The following ANK1 variants were observed in gnomAD, a reference collection of about 807,000 sequenced individuals.
The protein encoded by ANK1 is ankyrin 1.
ANK1 carries 51 observed loss-of-function variants against 210.4 expected under a neutral mutation model. The ratio of observed to expected loss-of-function variants is 0.24; its 90% CI spans 0.19 to 0.31. The LOEUF (loss-of-function observed/expected upper bound fraction) is 0.31, where lower values mean the gene tolerates loss of function less well. ANK1 is among the 10% of genes least tolerant of loss of function. ANK1 has a pLI of 1.00. For synonymous variants in ANK1, 967 were observed against 1,025.9 expected, an observed-to-expected ratio of 0.94 and a Z score of 1.10; for missense variants, 2,051 against 2,504.4, an observed-to-expected ratio of 0.82 and a Z score of 3.86.
chr8:41,722,006 T>C (rs1394125615), intron 9 of ANK1, among the ~76,000 whole-genome samples: 1 of 152,262 alleles, frequency 6.6e-6, no homozygotes, highest in Non-Finnish European at 1.5e-5. Context: ...AATTTTCTAA[T>C]AATTTAACTG....
In ANK1 at chr8:41,688,579, G is replaced by A. The variant is rs1260078663; in HGVS notation, c.4115C>T (p.Ala1372Val). ...TMPPCAKGSG[A>V]EDRRRTPTPL... ...CGTCGGGGTCCTTCTCCTATCTTCGGCTCCACTTCCCTGCAGAAGAAGAAA... is the reference window on the plus strand; with the variant it reads ...CGTCGGGGTCCTTCTCCTATCTTCGACTCCACTTCCCTGCAGAAGAAGAAA... The change falls in exon 34 of 43, where the codon GCC (alanine) becomes GTC (valine). Residue 1372 changes from alanine (A) to valine (V), a missense_variant. Transcript: ENST00000289734. The A allele has an allele frequency of 2.5e-6, 4 of 1,613,976 alleles. No individual in the cohort carries two copies. The highest frequency in any genetic ancestry group is 2.5e-6 in the Non-Finnish European group (3 of 1,179,992).
chr8:41,665,044 G>T (rs374055991), intron 39 of ANK1: 1 of 1,611,216 alleles, frequency 6.2e-7, no homozygotes. Flanking sequence ...TCACCAGCCC[G>T]GTCCTCTGGC....
intron 1 of ANK1, among the ~76,000 whole-genome samples, chr8:41,776,293 A>G (rs1247694862): frequency 6.6e-6 from 1 of 152,194 alleles, no homozygotes; most frequent in Non-Finnish European, 1.5e-5. Context: ...ACCAATCACT[A>G]TCACATTCAA....
chr8:41,745,149 C>T (rs962930890), intron 2 of ANK1, among the ~76,000 whole-genome samples: 4 of 150,888 alleles, frequency 2.7e-5, no homozygotes, highest in Non-Finnish European at 2.9e-5. Flanking sequence ...GGAAAGGGAG[C>T]GGAGGGAGAA....
At chr8:41,807,029 T>G (rs1445891404) in intron 1 of ANK1, among the ~76,000 whole-genome samples, 1 of 152,250 alleles carries the variant, frequency 6.6e-6, no homozygotes, top group Admixed American at 6.5e-5. Flanking sequence ...TTATTAAAAT[T>G]TATTAAGCAC....
At chr8:41,863,801 T>C (rs1041910429) in intron 1 of ANK1, among the ~76,000 whole-genome samples, 2 of 152,202 alleles carry the variant, frequency 1.3e-5, no homozygotes, top group Non-Finnish European at 2.9e-5. Flanking sequence ...GAGGCTCCCC[T>C]ACCTCCCACA....
intron 1 of ANK1, among the ~76,000 whole-genome samples, chr8:41,887,211 A>AT (rs1818603280): frequency 9.4e-6 from 1 of 106,438 alleles, no homozygotes; most frequent in Admixed American, 8.6e-5. Context: ...TATTTTTAAC[A>AT]TTTTTTTCCT....
intron 1 of ANK1, among the ~76,000 whole-genome samples, chr8:41,869,827 TG>T (rs1456074836): frequency 6.6e-6 from 1 of 152,190 alleles, no homozygotes; most frequent in East Asian, 1.9e-4. Flanking sequence ...AAATGGTAAC[TG>T]GGGCTTGCTT....
At chr8:41,803,029 GA>G (rs1257420744) in intron 1 of ANK1, among the ~76,000 whole-genome samples, 1 of 85,442 alleles carries the variant, frequency 1.2e-5, no homozygotes, top group Non-Finnish European at 2.3e-5. Flanking sequence ...AAGAAAGAAA[GA>G]AAGAAAGAAA....
In ANK1 at chr8:41,718,120, C is replaced by G. The variant is rs1254472582; in HGVS notation, c.1192G>C (p.Asp398His). 6.2e-7 allele frequency: 1 copy of G among 1,613,922 alleles called. No homozygotes were observed. ...ELLLKTGASI[D>H]AVTESGLTPL... ...GTCTCTCCTACCTCGGTGACCGCGT[C>G]GATCGAGGCTCCCGTCTTCAGCAGC... Residue 398 changes from aspartate to histidine, a missense_variant, in exon 11 of 43, where the codon GAC becomes CAC. Transcript: ENST00000289734.
At chr8:41,793,511 G>C (rs918399126) in intron 1 of ANK1, among the ~76,000 whole-genome samples, 9 of 152,228 alleles carry the variant, frequency 5.9e-5, no homozygotes, top group Non-Finnish European at 8.8e-5. Context: ...AAGTGAAGTG[G>C]TAAGATTTGC....
intron 2 of ANK1, among the ~76,000 whole-genome samples, chr8:41,749,315 T>C (rs1837058996): frequency 6.9e-6 from 1 of 144,234 alleles, no homozygotes; most frequent in Non-Finnish European, 1.5e-5. Flanking sequence ...TTTTTTTTTT[T>C]GAGATGGAGT....
chr8:41,664,753 G>A lies in ANK1; in HGVS notation c.5395-1011C>T, dbSNP rs907223971. 39 of 1,531,336 alleles carry A rather than the reference G, an allele frequency of 2.5e-5. No individual in the cohort carries two copies. The African/African-American group carries it at 4.5e-4, about 18-fold the overall frequency. 94.9% of individuals were successfully genotyped at this position (1,531,336 alleles called of 1,614,324 possible). ...CCCACAGCAGCGTCCCCTCAGCCCC[G>A]GCCTCCGGCGCCCACACCACCAGCC... On this transcript the variant is annotated intron_variant, in intron 39 of 42. Coordinates refer to ENST00000289734, the MANE Select transcript of ANK1 (RefSeq NM_000037.4).
At chr8:41,698,022 C>T in intron 24 of ANK1, 21 bp downstream of exon 24, 1 of 1,613,210 alleles carries the variant, frequency 6.2e-7, no homozygotes, top group East Asian at 2.2e-5. Context: ...GTGGGGAAAC[C>T]ACAGAGAAGG....
At chr8:41,787,737 C>T (rs909642399) in intron 1 of ANK1, among the ~76,000 whole-genome samples, 6 of 152,120 alleles carry the variant, frequency 3.9e-5, no homozygotes, top group African/African-American at 9.7e-5. Context: ...ATAACTTGAG[C>T]CCAGGAGGTG....
At chr8:41,664,686 G>A in intron 39 of ANK1, 2 of 1,037,246 alleles carry the variant, frequency 1.9e-6, no homozygotes, top group Non-Finnish European at 2.9e-6. Context: ...GGGCCTCCTG[G>A]TCCTTTTCCT....
rs1828685286 is a variant in ANK1 at position 41,719,518 on chromosome 8, C to T, written c.1107+143G>A. The stretch of plus-strand genomic sequence containing the variant: ...CACACCAGGCCCCCACCATCCAGTG[C>T]TGTCACACCCCACTGCTCAGGCCTC... On this transcript the variant is annotated intron_variant, in intron 10 of 42. Coordinates refer to ENST00000289734, the MANE Select transcript of ANK1 (RefSeq NM_000037.4). The T allele has an allele frequency of 3.8e-6, 4 of 1,060,194 alleles. 1 individual carries two copies. In the African/African-American group the frequency reaches 4.6e-5, roughly 12 times the overall value. The allele number at this position is 1,060,194 out of a possible 1,614,324, so 65.7% of individuals were successfully genotyped here.
intron 1 of ANK1, among the ~76,000 whole-genome samples, chr8:41,853,672 T>A (rs1486573161): frequency 6.6e-6 from 1 of 152,204 alleles, no homozygotes. Context: ...CACCGCCTTA[T>A]AACAGATACC....
chr8:41,717,464 T>G, intron 12 of ANK1, 140 bp downstream of exon 12: 2 of 822,842 alleles, frequency 2.4e-6, no homozygotes, highest in Non-Finnish European at 4.0e-6. Context: ...TACACAGGGA[T>G]GTCCTCCCCC....
Sources: gnomAD v4.1 joint callset for allele counts (sites outside exome capture counted in the v4.1 genomes callset) on GRCh38, gnomAD v4.1.1 for gene constraint, MANE v1.5 for transcripts, NCBI Gene and HGNC (gene_info 2026-07-23, HGNC 2026-07-21) for gene names.